GPC5: variants seen among roughly 807,000 people sequenced by gnomAD.
GPC5 encodes glypican 5.
GPC5 carries 47 observed loss-of-function variants against 53.9 expected under a neutral mutation model. The ratio of observed to expected loss-of-function variants is 0.87; its 90% CI spans 0.69 to 1.11. GPC5 has a LOEUF of 1.11. Ranked by LOEUF, GPC5 falls within the 50% of genes most tolerant of loss-of-function variation. GPC5 has a pLI of 0.00. For synonymous variants in GPC5, 286 were observed against 263.3 expected (o/e 1.09, Z -0.84); for missense variants, 748 against 713.1 (o/e 1.05, Z -0.56).
intron 7 of GPC5, among the ~76,000 whole-genome samples, chr13:92,251,158 G>A (rs2042690172): frequency 6.6e-6 from 1 of 152,242 alleles, no homozygotes; most frequent in Admixed American, 6.6e-5. Context: ...AGTGAAGCTG[G>A]GGAAGCAGTT....
chr13:91,993,868 A>C (rs988815614), intron 6 of GPC5, among the ~76,000 whole-genome samples: 1 of 152,200 alleles, frequency 6.6e-6, no homozygotes, highest in African/African-American at 2.4e-5. Context: ...AATGATCAGG[A>C]TGTCTGTGAC....
At chr13:92,728,287 A>T (rs1046671645) in intron 7 of GPC5, among the ~76,000 whole-genome samples, 1 of 151,380 alleles carries the variant, frequency 6.6e-6, no homozygotes, top group Non-Finnish European at 1.5e-5. Context: ...CAGCCCTAGG[A>T]TGACCTTAAT....
intron 7 of GPC5, among the ~76,000 whole-genome samples, chr13:92,208,248 T>A: frequency 6.6e-6 from 1 of 152,346 alleles, no homozygotes; most frequent in East Asian, 1.9e-4. Context: ...GATTTTAATG[T>A]TCTCCCTTAA....
At chr13:91,890,609 T>C (rs2039374672) in intron 5 of GPC5, among the ~76,000 whole-genome samples, 1 of 152,236 alleles carries the variant, frequency 6.6e-6, no homozygotes, top group Admixed American at 6.5e-5. Context: ...TTGTTTGTTT[T>C]GTAGTCTTTG....
At chr13:92,621,744 A>G (rs1259388460) in intron 7 of GPC5, among the ~76,000 whole-genome samples, 3 of 151,954 alleles carry the variant, frequency 2.0e-5, no homozygotes, top group East Asian at 1.9e-4. Flanking sequence ...GCTTGAACCC[A>G]GGATGCCGAG....
At chr13:92,573,788 G>A (rs1883107651) in intron 7 of GPC5, among the ~76,000 whole-genome samples, 2 of 152,072 alleles carry the variant, frequency 1.3e-5, no homozygotes, top group Non-Finnish European at 1.5e-5. Flanking sequence ...CCTTCCTACA[G>A]CCCTCCCAAT....
chr13:91,518,649 T>C (rs1410309751), intron 2 of GPC5, among the ~76,000 whole-genome samples: 1 of 152,118 alleles, frequency 6.6e-6, no homozygotes. Flanking sequence ...GCCTCCCAGG[T>C]TCACACCATT....
chr13:92,481,608 G>A (rs375826819), intron 7 of GPC5, among the ~76,000 whole-genome samples: 43 of 152,244 alleles, frequency 2.8e-4, no homozygotes, highest in African/African-American at 7.2e-4. Context: ...CATGACCACT[G>A]TGGATCAACC....
At chr13:91,631,690 A>G (rs962128850) in intron 2 of GPC5, among the ~76,000 whole-genome samples, 1 of 152,018 alleles carries the variant, frequency 6.6e-6, no homozygotes, top group Non-Finnish European at 1.5e-5. Flanking sequence ...TGGCAATTAA[A>G]AGCCTCTGTG....
At chr13:91,593,701 C>T (rs1317675200) in intron 2 of GPC5, among the ~76,000 whole-genome samples, 1 of 152,120 alleles carries the variant, frequency 6.6e-6, no homozygotes, top group East Asian at 1.9e-4. Context: ...ATGTGTTCAT[C>T]TATTCCATGA....
intron 7 of GPC5, among the ~76,000 whole-genome samples, chr13:92,615,792 A>C (rs1218872406): frequency 6.6e-6 from 1 of 152,054 alleles, no homozygotes; most frequent in Non-Finnish European, 1.5e-5. Flanking sequence ...CGGTGGCTCA[A>C]GTCTGTAATC....
At chr13:92,804,606 T>C (rs1000098234) in intron 7 of GPC5, among the ~76,000 whole-genome samples, 1 of 152,016 alleles carries the variant, frequency 6.6e-6, no homozygotes, top group African/African-American at 2.4e-5. Context: ...TTGCCTCCAT[T>C]TGATGGCAGC....
intron 7 of GPC5, among the ~76,000 whole-genome samples, chr13:92,797,123 T>G (rs145068954): frequency 9.2e-5 from 14 of 151,940 alleles, no homozygotes; most frequent in Non-Finnish European, 1.9e-4. Flanking sequence ...TCATTACTTT[T>G]AAAATGAGAA....
chr13:91,706,342 C>T (rs2036105564), intron 3 of GPC5, among the ~76,000 whole-genome samples: 1 of 151,802 alleles, frequency 6.6e-6, no homozygotes, highest in Admixed American at 6.6e-5. Flanking sequence ...GAAAACAAAC[C>T]AAAAAGTTCT....
intron 7 of GPC5, among the ~76,000 whole-genome samples, chr13:92,538,446 T>C (rs1881798382): frequency 6.6e-6 from 1 of 150,636 alleles, no homozygotes; most frequent in Non-Finnish European, 1.5e-5. Context: ...ATTTCTTTTT[T>C]CTTTCTTTCT....
At chr13:91,938,064 G>C (rs536609549) in intron 6 of GPC5, among the ~76,000 whole-genome samples, 4 of 152,060 alleles carry the variant, frequency 2.6e-5, no homozygotes, top group Non-Finnish European at 5.9e-5. Context: ...GCTGAGATTT[G>C]TGGCAGCCTA....
rs541897229 is a variant in GPC5, at chr13:92,731,102, C to T, written c.1562-135180C>T. On this transcript the variant is annotated intron_variant, in intron 7 of 7. Coordinates refer to ENST00000377067, the MANE Select transcript of GPC5 (RefSeq NM_004466.6). ...TCAACAAGGAAGCTGGTAATCCACT[C>T]CCACCACTAGTCCAAGGAAAAGAGA... 5.9e-5 allele frequency among the ~76,000 whole-genome samples: 9 copies of T among 151,398 alleles called. 1 individual carries two copies. In the South Asian group the frequency reaches 1.7e-3, roughly 28 times the overall value.
chr13:92,329,229 T>C (rs2043272434), intron 7 of GPC5, among the ~76,000 whole-genome samples: 1 of 152,158 alleles, frequency 6.6e-6, no homozygotes. Context: ...CTGCAGGCTG[T>C]ACAGGAAGCA....
intron 7 of GPC5, among the ~76,000 whole-genome samples, chr13:92,461,858 G>A (rs1487432858): frequency 1.3e-5 from 2 of 152,198 alleles, no homozygotes; most frequent in Non-Finnish European, 1.5e-5. Flanking sequence ...CAGCCTGTCT[G>A]TGGTAATTTG....
Sources: allele counts gnomAD v4.1 joint callset (sites outside exome capture counted in the v4.1 genomes callset), GRCh38; gene constraint gnomAD v4.1.1; transcripts MANE v1.5; gene names NCBI Gene and HGNC (gene_info 2026-07-23, HGNC 2026-07-21).